ARHGAP6: variants seen among roughly 807,000 people sequenced by gnomAD.
The protein encoded by ARHGAP6 is rho GTPase-activating protein 6.
Under a neutral mutation model 55.7 loss-of-function variants are expected in ARHGAP6, and 16 were observed. The ratio of observed to expected loss-of-function variants is 0.29; its 90% CI spans 0.19 to 0.44. ARHGAP6 has a LOEUF of 0.44. ARHGAP6 is among the 20% of genes least tolerant of loss of function. ARHGAP6 has a pLI of 1.00. For missense variants in ARHGAP6, 698 were observed against 808.9 expected, an observed-to-expected ratio of 0.86 and a Z score of 1.66; for synonymous variants, 382 against 360.9, an observed-to-expected ratio of 1.06 and a Z score of -0.66.
At chrX:11,296,968 T>C in intron 1 of ARHGAP6, 1 of 886,943 alleles carries the variant, frequency 1.1e-6, no homozygotes, top group South Asian at 2.2e-5. Flanking sequence ...GCTTCCCAGT[T>C]TAAGCTCTGA....
chrX:11,599,723 G>A (rs919542385), intron 1 of ARHGAP6, among the ~76,000 whole-genome samples: 2 of 111,425 alleles, frequency 1.8e-5, no homozygotes, highest in African/African-American at 6.5e-5. Flanking sequence ...GTAACTACAG[G>A]TAACAATAGT....
intron 1 of ARHGAP6, among the ~76,000 whole-genome samples, chrX:11,562,341 C>T (rs894220004): frequency 8.9e-6 from 1 of 111,813 alleles, no homozygotes; most frequent in African/African-American, 3.2e-5. Context: ...TGTGAAACTG[C>T]AGTCTAGCAG....
intron 1 of ARHGAP6, among the ~76,000 whole-genome samples, chrX:11,478,697 A>G (rs1473203832): frequency 3.6e-5 from 4 of 112,176 alleles, no homozygotes; most frequent in Non-Finnish European, 7.5e-5. Flanking sequence ...AAACCCATAA[A>G]AATAAAATTT....
intron 1 of ARHGAP6, among the ~76,000 whole-genome samples, chrX:11,470,236 A>G (rs892862076): frequency 9.0e-6 from 1 of 111,642 alleles, no homozygotes; most frequent in Non-Finnish European, 1.9e-5. Flanking sequence ...GTTTACCAAG[A>G]CCTCTCGTAT....
At chrX:11,424,699 T>C (rs918309684) in intron 1 of ARHGAP6, among the ~76,000 whole-genome samples, 4 of 111,893 alleles carry the variant, frequency 3.6e-5, no homozygotes, top group Non-Finnish European at 7.5e-5. Flanking sequence ...AAAATGTAAA[T>C]CTGATTCAGT....
intron 1 of ARHGAP6, among the ~76,000 whole-genome samples, chrX:11,633,712 T>C (rs1262677058): frequency 8.9e-6 from 1 of 111,945 alleles, no homozygotes; most frequent in Non-Finnish European, 1.9e-5. Context: ...AACCATTCAC[T>C]AGACAAGATG....
At chrX:11,296,948 C>A in intron 1 of ARHGAP6, 1 of 967,763 alleles carries the variant, frequency 1.0e-6, no homozygotes, top group South Asian at 2.0e-5. Flanking sequence ...TTTTACAGTT[C>A]CTACCACCAG....
chrX:11,663,228 C>A (rs1469141794), intron 1 of ARHGAP6, among the ~76,000 whole-genome samples: 1 of 112,238 alleles, frequency 8.9e-6, no homozygotes, highest in African/African-American at 3.2e-5. Context: ...ATGCTATTTT[C>A]AAACGGTTTT....
intron 1 of ARHGAP6, among the ~76,000 whole-genome samples, chrX:11,425,860 C>T (rs2049873644): frequency 1.8e-5 from 2 of 111,774 alleles, no homozygotes; most frequent in Non-Finnish European, 3.8e-5. Context: ...TTGCAAATGG[C>T]AAAGACCTCA....
intron 3 of ARHGAP6, among the ~76,000 whole-genome samples, chrX:11,191,255 G>C (rs1004973355): frequency 8.9e-6 from 1 of 111,864 alleles, no homozygotes; most frequent in Non-Finnish European, 1.9e-5. Context: ...TGCAGACTTG[G>C]CATTTCTTTC....
intron 2 of ARHGAP6, among the ~76,000 whole-genome samples, chrX:11,210,886 A>G (rs2046783508): frequency 8.9e-6 from 1 of 111,940 alleles, no homozygotes. Flanking sequence ...ATTATGAAAA[A>G]CAAAACAAAA....
intron 1 of ARHGAP6, among the ~76,000 whole-genome samples, chrX:11,609,259 G>A (rs1020360449): frequency 1.8e-5 from 2 of 111,754 alleles, no homozygotes; most frequent in African/African-American, 3.3e-5. Context: ...AGAGGTCCAA[G>A]GGAGGAAGTG....
chrX:11,162,719 C>G (rs1276610914), intron 9 of ARHGAP6, among the ~76,000 whole-genome samples: 1 of 111,860 alleles, frequency 8.9e-6, no homozygotes, highest in African/African-American at 3.2e-5. Flanking sequence ...TCAGTGGTAC[C>G]TATGTCATGC....
chrX:11,216,960 G>A (rs1018924061), intron 2 of ARHGAP6, among the ~76,000 whole-genome samples: 1 of 110,924 alleles, frequency 9.0e-6, no homozygotes, highest in Non-Finnish European at 1.9e-5. Context: ...GTGAGAACAT[G>A]CAGTGTTTGG....
At chrX:11,170,574 G>A (rs1445806135) in intron 8 of ARHGAP6, among the ~76,000 whole-genome samples, 1 of 111,607 alleles carries the variant, frequency 9.0e-6, no homozygotes, top group Admixed American at 9.5e-5. Flanking sequence ...ATGGAACAGG[G>A]GATGGGGGAT....
intron 4 of ARHGAP6, 44 bp from the exon 5 acceptor site, chrX:11,186,475 A>C (rs1218517899): frequency 9.2e-7 from 1 of 1,091,873 alleles, no homozygotes. Flanking sequence ...CAGATAGCCA[A>C]AAAACCCAGC....
rs1440758737 is a variant in ARHGAP6 at position 11,567,566 on chromosome X, A to AAAAAAATATATATAT, written c.588+96674_588+96675insATATATATATTTTTT. Among the ~76,000 whole-genome samples, 175 of 84,393 alleles carry AAAAAAATATATATAT rather than the reference A, an allele frequency of 2.1e-3. 3 individuals carry two copies. The highest frequency in any genetic ancestry group is 7.7e-3 in the African/African-American group (163 of 21,107). The allele number at this position is 84,393 out of a possible 115,157, so 73.3% of individuals were successfully genotyped here. A position where few individuals can be genotyped will look rare whatever the true frequency, so the allele number is the denominator to read the frequency against. ...GAGACTCCATCTCAAAAAAAAAAAAAATATATATATATATTTGCCTCAGAG... is the reference window on the plus strand; with the variant it reads ...GAGACTCCATCTCAAAAAAAAAAAAAAAAAAATATATATATATATATATATATATTTGCCTCAGAG... On this transcript the variant is annotated intron_variant, in intron 1 of 12. Transcript: ENST00000337414.
intron 8 of ARHGAP6, among the ~76,000 whole-genome samples, chrX:11,176,977 C>G (rs1219921108): frequency 2.7e-5 from 3 of 112,059 alleles, no homozygotes; most frequent in Non-Finnish European, 5.6e-5. Flanking sequence ...TATACATAAC[C>G]ACGTTCTTTG....
In ARHGAP6 at chrX:11,664,922, C is replaced by G; in HGVS notation, c.-94G>C. 6 of 914,075 alleles carry G rather than the reference C, an allele frequency of 6.6e-6. No homozygotes were observed. The highest frequency in any genetic ancestry group is 8.9e-6 in the Non-Finnish European group (6 of 675,583). The allele number at this position is 914,075 out of a possible 1,213,427, so 75.3% of individuals were successfully genotyped here. A position where few individuals can be genotyped will look rare whatever the true frequency, so the allele number is the denominator to read the frequency against. Reference sequence around the variant, plus strand: ...ACCGAAAGGGACTCAGGCAAAGGTGCCAGGCGGGGCTGGCCCGGGGTTTGC... The same window carrying G: ...ACCGAAAGGGACTCAGGCAAAGGTGGCAGGCGGGGCTGGCCCGGGGTTTGC... On this transcript the variant is annotated 5_prime_UTR_variant, in exon 1 of 13. Coordinates refer to ENST00000337414, the MANE Select transcript of ARHGAP6 (RefSeq NM_013427.3).
Sources: allele counts gnomAD v4.1 joint callset (sites outside exome capture counted in the v4.1 genomes callset), GRCh38; gene constraint gnomAD v4.1.1; transcripts MANE v1.5; gene names NCBI Gene and HGNC (gene_info 2026-07-23, HGNC 2026-07-21).